The following LIN28B variants were observed in gnomAD, a reference collection of about 807,000 sequenced individuals.
LIN28B encodes the protein protein lin-28 homolog B.
LIN28B carries 5 observed loss-of-function variants against 21.9 expected under a neutral mutation model. The observed-to-expected ratio is 0.23, with a 90% CI of 0.12 to 0.48. The LOEUF is 0.48. Among genes scored for constraint, LIN28B ranks in the 20% least tolerant of loss-of-function variants. LIN28B has a pLI of 0.98. For missense variants in LIN28B, 245 were observed against 310.5 expected, an observed-to-expected ratio of 0.79 and a Z score of 1.58; for synonymous variants, 109 against 111.3, an observed-to-expected ratio of 0.98 and a Z score of 0.13.
rs1458551570 is a variant in LIN28B, at chr6:105,079,049, T to G, written c.*266T>G. 5.5e-6 allele frequency: 2 copies of G among 363,368 alleles called. No homozygotes were observed. The highest frequency in any genetic ancestry group is 4.9e-5 in the South Asian group (1 of 20,496). The allele number at this position is 363,368 out of a possible 1,614,324, so 22.5% of individuals were successfully genotyped here. ...GAGAGCCTGAGTCTGTGTGTGTACA[T>G]GAGGATTTTTATATAGGAATGTAGA... On this transcript the variant is annotated 3_prime_UTR_variant, in exon 4 of 4. Coordinates refer to ENST00000345080, the MANE Select transcript of LIN28B (RefSeq NM_001004317.4).
chr6:105,053,412 T>TGTGTGTGTGTGC (rs1554190400), intron 3 of LIN28B, among the ~76,000 whole-genome samples: 3 of 151,090 alleles, frequency 2.0e-5, no homozygotes, highest in African/African-American at 7.3e-5. Context: ...TGTGTGTGTG[T>TGTGTGTGTGTGC]GCACGTGCTC....
At chr6:105,019,862 C>A (rs2114324923) in intron 2 of LIN28B, among the ~76,000 whole-genome samples, 1 of 152,246 alleles carries the variant, frequency 6.6e-6, no homozygotes, top group Non-Finnish European at 1.5e-5. Flanking sequence ...AAGCACCTCA[C>A]TTGGTCTGTT....
chr6:105,023,246 AT>A (rs1299491970), intron 2 of LIN28B, among the ~76,000 whole-genome samples: 2 of 91,568 alleles, frequency 2.2e-5, no homozygotes, highest in Non-Finnish European at 4.1e-5. Flanking sequence ...TATATTATAT[AT>A]TATTTATATA....
intron 2 of LIN28B, among the ~76,000 whole-genome samples, chr6:104,963,186 A>G (rs1332951398): frequency 2.0e-5 from 3 of 152,090 alleles, no homozygotes; most frequent in Non-Finnish European, 2.9e-5. Context: ...AGCTGGGACT[A>G]CAGGCGCCCG....
At chr6:105,018,153 A>G (rs968628854) in intron 2 of LIN28B, among the ~76,000 whole-genome samples, 7 of 152,062 alleles carry the variant, frequency 4.6e-5, no homozygotes, top group African/African-American at 1.7e-4. Context: ...CAAGCATGGT[A>G]GGGTGCACTT....
At chr6:105,027,375 T>C (rs1771306877) in intron 3 of LIN28B, among the ~76,000 whole-genome samples, 1 of 152,102 alleles carries the variant, frequency 6.6e-6, no homozygotes, top group South Asian at 2.1e-4. Flanking sequence ...TTGTTTGTGG[T>C]TTTTTTCACA....
At chr6:105,012,050 C>T (rs1005618164) in intron 2 of LIN28B, among the ~76,000 whole-genome samples, 28 of 151,854 alleles carry the variant, frequency 1.8e-4, no homozygotes, top group Admixed American at 1.2e-3. Context: ...CCCAGCTACT[C>T]GGGAGGCTGA....
chr6:104,952,573 A>G (rs978163114), upstream of LIN28B, among the ~76,000 whole-genome samples: 1 of 152,190 alleles, frequency 6.6e-6, no homozygotes, highest in African/African-American at 2.4e-5. Flanking sequence ...TTTCTTCAGA[A>G]TGTTAGTCTT....
intron 2 of LIN28B, among the ~76,000 whole-genome samples, chr6:104,982,709 TATTA>T (rs1345225078): frequency 6.6e-6 from 1 of 152,246 alleles, no homozygotes; most frequent in Non-Finnish European, 1.5e-5. Flanking sequence ...GTAATCTGTA[TATTA>T]ATCAATATTA....
chr6:105,045,320 C>G (rs1247207806), intron 3 of LIN28B, among the ~76,000 whole-genome samples: 1 of 134,912 alleles, frequency 7.4e-6, no homozygotes, highest in African/African-American at 2.8e-5. Flanking sequence ...GAGTCTCACT[C>G]TTGTCACCCA....
intron 2 of LIN28B, among the ~76,000 whole-genome samples, chr6:104,967,690 A>G (rs1339773655): frequency 6.7e-6 from 1 of 148,922 alleles, no homozygotes; most frequent in Non-Finnish European, 1.5e-5. Context: ...TATTATTATT[A>G]TTATTTAGAA....
intron 2 of LIN28B, among the ~76,000 whole-genome samples, chr6:104,948,523 G>C (rs1004620956): frequency 6.6e-6 from 1 of 152,090 alleles, no homozygotes; most frequent in African/African-American, 2.4e-5. Context: ...GTCAGTGGCT[G>C]TTTTTGGAGT....
At chr6:105,018,512 T>TA (rs1281273695) in intron 2 of LIN28B, among the ~76,000 whole-genome samples, 1 of 152,162 alleles carries the variant, frequency 6.6e-6, no homozygotes, top group Non-Finnish European at 1.5e-5. Context: ...CACTCAAAAA[T>TA]ACACCTCACG....
At chr6:105,002,389 G>T (rs1403332545) in intron 2 of LIN28B, among the ~76,000 whole-genome samples, 1 of 151,996 alleles carries the variant, frequency 6.6e-6, no homozygotes, top group Non-Finnish European at 1.5e-5. Flanking sequence ...GGTTGAATAG[G>T]GTAGAGATGG....
upstream of LIN28B, chr6:104,957,063 G>A: frequency 6.9e-7 from 1 of 1,455,374 alleles, no homozygotes; most frequent in Non-Finnish European, 9.0e-7. Flanking sequence ...ACAAAGTCAC[G>A]TGTGCTCAGG....
intron 2 of LIN28B, among the ~76,000 whole-genome samples, chr6:104,979,069 A>G (rs12212292): frequency 0.091 from 13,832 of 152,240 alleles, 788 homozygotes; most frequent in Non-Finnish European, 0.13. Context: ...AAGTAACAAT[A>G]TGGACTAAAT....
At chr6:105,068,982 C>T (rs1253946345) in intron 3 of LIN28B, among the ~76,000 whole-genome samples, 1 of 152,036 alleles carries the variant, frequency 6.6e-6, no homozygotes, top group Non-Finnish European at 1.5e-5. Context: ...TTTGGGAGGC[C>T]GAGGCAGGCA....
At chr6:104,991,869 G>A (rs928381292) in intron 2 of LIN28B, among the ~76,000 whole-genome samples, 19 of 152,170 alleles carry the variant, frequency 1.2e-4, no homozygotes, top group African/African-American at 4.1e-4. Flanking sequence ...GAAAACAGTC[G>A]GGGTGGCGGC....
At chr6:104,967,731 G>A (rs138489769) in intron 2 of LIN28B, among the ~76,000 whole-genome samples, 130 of 151,618 alleles carry the variant, frequency 8.6e-4, no homozygotes, top group African/African-American at 3.0e-3. Context: ...CCAGGCTGGC[G>A]TGCAGTGGTG....
Sources: allele counts gnomAD v4.1 joint callset (sites outside exome capture counted in the v4.1 genomes callset), GRCh38; gene constraint gnomAD v4.1.1; transcripts MANE v1.5; gene names NCBI Gene and HGNC (gene_info 2026-07-23, HGNC 2026-07-21).